PCLO: variants seen among roughly 807,000 people sequenced by gnomAD.
The protein encoded by PCLO is protein piccolo.
Under a neutral mutation model 427.5 loss-of-function variants are expected in PCLO, and 82 were observed. The observed-to-expected ratio is 0.19, with a 90% CI of 0.16 to 0.23. The LOEUF (loss-of-function observed/expected upper bound fraction) is 0.23, where lower values mean the gene tolerates loss of function less well. Among genes scored for constraint, PCLO ranks in the 10% least tolerant of loss-of-function variants. The pLI is 1.00. For synonymous variants in PCLO, 2,357 were observed against 2,155.4 expected, an observed-to-expected ratio of 1.09 and a Z score of -2.59; for missense variants, 6,239 against 6,115.9, an observed-to-expected ratio of 1.02 and a Z score of -0.67.
chr7:82,817,604 A>G (rs1448083602), intron 20 of PCLO, among the ~76,000 whole-genome samples: 2 of 152,138 alleles, frequency 1.3e-5, no homozygotes, highest in Non-Finnish European at 1.5e-5. Context: ...GAGTTCACCA[A>G]GGCAACACAT....
chr7:83,093,472 G>GTGTGTGTGTATATATATATATA (rs745824155), intron 3 of PCLO, among the ~76,000 whole-genome samples: 11 of 99,150 alleles, frequency 1.1e-4, no homozygotes, highest in East Asian at 3.9e-4. Context: ...ATGTGTGTGT[G>GTGTGTGTGTATATATATATATA]TATAGATATA....
chr7:83,159,573 A>G (rs1387947140), intron 1 of PCLO, among the ~76,000 whole-genome samples: 1 of 152,064 alleles, frequency 6.6e-6, no homozygotes, highest in Non-Finnish European at 1.5e-5. Flanking sequence ...TCATTTTACT[A>G]TTGTCATCCT....
At chr7:82,799,522 C>T (rs948151006) in intron 22 of PCLO, among the ~76,000 whole-genome samples, 5 of 152,120 alleles carry the variant, frequency 3.3e-5, no homozygotes, top group Non-Finnish European at 7.4e-5. Flanking sequence ...CTTGATGCAT[C>T]CATGTAAAAT....
At chr7:82,761,748 TC>T (rs372656593) in intron 22 of PCLO, among the ~76,000 whole-genome samples, 4 of 149,388 alleles carry the variant, frequency 2.7e-5, no homozygotes, top group African/African-American at 1.0e-4. Flanking sequence ...TAAAATACAG[TC>T]CATGCCCTTA....
chr7:82,788,570 A>G (rs568164047), intron 22 of PCLO, among the ~76,000 whole-genome samples: 12 of 152,140 alleles, frequency 7.9e-5, no homozygotes, highest in Non-Finnish European at 1.6e-4. Context: ...TGAATTTCTG[A>G]TCTCTTTGTA....
At chr7:83,126,012 G>A (rs1380335137) in intron 3 of PCLO, among the ~76,000 whole-genome samples, 2 of 152,274 alleles carry the variant, frequency 1.3e-5, no homozygotes, top group Non-Finnish European at 2.9e-5. Context: ...TAAAGAAAAT[G>A]TGGTACATAT....
intron 3 of PCLO, among the ~76,000 whole-genome samples, chr7:82,974,855 T>C (rs1190330310): frequency 6.6e-6 from 1 of 152,064 alleles, no homozygotes; most frequent in East Asian, 1.9e-4. Context: ...CTGGGCTCAT[T>C]GCAAGCTCCA....
At chr7:82,893,566 G>T (rs920615596) in intron 9 of PCLO, among the ~76,000 whole-genome samples, 1 of 151,272 alleles carries the variant, frequency 6.6e-6, no homozygotes, top group South Asian at 2.1e-4. Context: ...AAAACTTAAA[G>T]TATAATAAAT....
At chr7:82,937,237 C>A (rs2116364840) in intron 6 of PCLO, among the ~76,000 whole-genome samples, 1 of 151,558 alleles carries the variant, frequency 6.6e-6, no homozygotes, top group South Asian at 2.1e-4. Flanking sequence ...AACCTATTCA[C>A]ATTTTAAAAT....
At chr7:82,856,939 G>T (rs1280424950) in intron 10 of PCLO, among the ~76,000 whole-genome samples, 1 of 152,008 alleles carries the variant, frequency 6.6e-6, no homozygotes, top group Non-Finnish European at 1.5e-5. Flanking sequence ...TATCCCAAAA[G>T]TGAGTTCCAG....
intron 10 of PCLO, among the ~76,000 whole-genome samples, chr7:82,855,983 C>T (rs116052457): frequency 0.015 from 2,262 of 152,160 alleles, 49 homozygotes; most frequent in African/African-American, 0.052. Context: ...GATTCTGTGA[C>T]TCTCAATGTA....
chr7:82,937,248 G>A (rs1794975990), intron 6 of PCLO, among the ~76,000 whole-genome samples: 2 of 151,118 alleles, frequency 1.3e-5, no homozygotes, highest in African/African-American at 4.8e-5. Flanking sequence ...ATTTTAAAAT[G>A]CTTTTACTTT....
chr7:82,896,575 T>C (rs1057402143), intron 9 of PCLO, among the ~76,000 whole-genome samples: 4 of 151,688 alleles, frequency 2.6e-5, no homozygotes, highest in Admixed American at 6.6e-5. Flanking sequence ...GTGGTGATGA[T>C]TGCACAAGTC....
At chr7:82,960,961 G>A (rs1189399017) in intron 4 of PCLO, among the ~76,000 whole-genome samples, 2 of 152,152 alleles carry the variant, frequency 1.3e-5, no homozygotes, top group African/African-American at 4.8e-5. Flanking sequence ...CACAGTCTTT[G>A]TAATCAGAGA....
chr7:83,041,133 G>T (rs1788963524), intron 3 of PCLO, among the ~76,000 whole-genome samples: 1 of 152,018 alleles, frequency 6.6e-6, no homozygotes. Flanking sequence ...TAATGCTGAT[G>T]ATATTCAATA....
At chr7:83,112,418 T>C (rs895821764) in intron 3 of PCLO, among the ~76,000 whole-genome samples, 1 of 152,162 alleles carries the variant, frequency 6.6e-6, no homozygotes, top group Non-Finnish European at 1.5e-5. Flanking sequence ...GGGTATCATT[T>C]AGTAAAATAG....
rs1562882417 is a variant in PCLO, at chr7:82,955,476, GGTGTCT to G, written c.5471_5476del (p.Lys1824_Pro1826delinsThr). 6.2e-7 allele frequency: 1 copy of G among 1,613,640 alleles called. No individual in the cohort carries two copies. Among genetic ancestry groups the G allele is most frequent in the Non-Finnish European group, 8.5e-7 (1 of 1,179,800 alleles). Reference sequence around the variant, plus strand: ...TTCAATGGGAGAGAGATTACTAGGTGGTGTCTTTGGCCTTTCCCTTCTTCTCTGAGC... The same window carrying G: ...TTCAATGGGAGAGAGATTACTAGGTGTTGGCCTTTCCCTTCTTCTCTGAGC... On this transcript the variant is annotated inframe_deletion, in exon 5 of 25. Coordinates refer to ENST00000333891, the MANE Select transcript of PCLO (RefSeq NM_033026.6).
intron 22 of PCLO, among the ~76,000 whole-genome samples, chr7:82,765,398 T>C (rs1404752915): frequency 2.0e-5 from 3 of 150,826 alleles, no homozygotes; most frequent in Non-Finnish European, 3.0e-5. Flanking sequence ...AATAAAGATG[T>C]CCACTAAAAT....
At chr7:82,983,603 GT>G (rs1796195875) in intron 3 of PCLO, among the ~76,000 whole-genome samples, 1 of 149,098 alleles carries the variant, frequency 6.7e-6, no homozygotes. Flanking sequence ...AAAATGGTAA[GT>G]TTTTATATTT....
Sources: allele counts gnomAD v4.1 joint callset (sites outside exome capture counted in the v4.1 genomes callset), GRCh38; gene constraint gnomAD v4.1.1; transcripts MANE v1.5; gene names NCBI Gene and HGNC (gene_info 2026-07-23, HGNC 2026-07-21).